Variants in C4orf17 observed in about 807,000 individuals in gnomAD.
The protein encoded by C4orf17 is chromosome 4 open reading frame 17.
A neutral mutation model predicts 32.0 loss-of-function variants in C4orf17; 25 were observed. That is an observed-to-expected ratio of 0.78 (90% CI 0.57 to 1.09). The LOEUF (loss-of-function observed/expected upper bound fraction) is 1.09, where lower values mean the gene tolerates loss of function less well. Ranked by LOEUF, C4orf17 falls within the 50% of genes least tolerant of loss-of-function variation. C4orf17 has a pLI of 0.00. For synonymous variants in C4orf17, 149 were observed against 145.8 expected, an observed-to-expected ratio of 1.02 and a Z score of -0.16; for missense variants, 420 against 420.0, an observed-to-expected ratio of 1.00 and a Z score of 0.00.
At chr4:99,527,429 G>A (rs1054884882) in intron 4 of C4orf17, among the ~76,000 whole-genome samples, 1 of 152,174 alleles carries the variant, frequency 6.6e-6, no homozygotes, top group African/African-American at 2.4e-5. Context: ...TGATACTGTT[G>A]TTCAAGTCTT....
At chr4:99,541,763 A>C (rs1723653043) in intron 8 of C4orf17, 147 bp from the exon 9 acceptor site, 4 of 629,636 alleles carry the variant, frequency 6.4e-6, no homozygotes. Flanking sequence ...AAAAAAGAAA[A>C]GGAATATATT....
At chr4:99,518,130 G>C (rs973963713) in intron 2 of C4orf17, among the ~76,000 whole-genome samples, 1 of 151,874 alleles carries the variant, frequency 6.6e-6, no homozygotes, top group Non-Finnish European at 1.5e-5. Flanking sequence ...TCCATTCTAG[G>C]CCACTGTTAT....
chr4:99,539,195 G>C lies in C4orf17; in HGVS notation c.661G>C (p.Glu221Gln), dbSNP rs370022681. The change falls in exon 7 of 9, where the codon GAG (glutamate) becomes CAG (glutamine). Residue 221 changes from glutamate (E) to glutamine (Q), a missense_variant. Transcript: ENST00000326581. ...GTGGGTCTCAGCTTTGATTCATTCTGAGCTTGCCGAGATAAACCTGTTAAC... is the reference window on the plus strand; with the variant it reads ...GTGGGTCTCAGCTTTGATTCATTCTCAGCTTGCCGAGATAAACCTGTTAAC... The part of the protein sequence containing the change: ...KEWVSALIHS[E>Q]LAEINLLTHH... 310 of 1,613,954 alleles carry C rather than the reference G, an allele frequency of 1.9e-4. 3 individuals are homozygous for C. In the South Asian group the frequency reaches 3.2e-3, roughly 17 times the overall value.
In C4orf17 at chr4:99,540,417, CAA is replaced by C; in HGVS notation, c.843_844del (p.Gln283ArgfsTer3). ...TCTTTCTCCAACTGATCTAGAGTGTCAAGTCAAGGATCTGAAGAAAACAAGGA... is the reference window on the plus strand; with the variant it reads ...TCTTTCTCCAACTGATCTAGAGTGTCGTCAAGGATCTGAAGAAAACAAGGA... On this transcript the variant is annotated frameshift_variant, in exon 8 of 9. Transcript: ENST00000326581. LOFTEE classifies it low-confidence loss of function (END_TRUNC). The C allele has an allele frequency of 6.2e-7, 1 of 1,610,724 alleles. No individual in the cohort carries two copies. Among genetic ancestry groups the C allele is most frequent in the Non-Finnish European group, 8.5e-7 (1 of 1,177,876 alleles).
Position 99,529,875 on chromosome 4 carries a change from T to G in C4orf17, c.463T>G (p.Cys155Gly). The G allele has an allele frequency of 6.2e-7, 1 of 1,612,734 alleles. No individual in the cohort carries two copies. Among genetic ancestry groups the G allele is most frequent in the African/African-American group, 1.3e-5 (1 of 74,416 alleles). The change falls in exon 5 of 9, where the codon TGT becomes GGT. Residue 155 changes from cysteine to glycine, a missense_variant. By Grantham distance (159) the Cys-to-Gly change is radical. Transcript: ENST00000326581. ...PPKACSTPGS[C>G]SSGMTSTKND... ...AAAGGCATGCTCTACTCCTGGCTCC[T>G]GTTCTTCAGGGATGACAAGTACCAA...
chr4:99,517,285 TAG>T (rs2110165737), intron 2 of C4orf17, among the ~76,000 whole-genome samples: 1 of 152,312 alleles, frequency 6.6e-6, no homozygotes, highest in Admixed American at 6.5e-5. Flanking sequence ...CACAGATTAG[TAG>T]GCCATGGTTC....
intron 2 of C4orf17, among the ~76,000 whole-genome samples, chr4:99,519,036 T>C (rs745616760): frequency 1.7e-4 from 26 of 152,128 alleles, no homozygotes; most frequent in Non-Finnish European, 2.6e-4. Context: ...GAAGTGCTTT[T>C]GGGAACAACA....
At chr4:99,513,931 A>G (rs2110164315) in intron 2 of C4orf17, among the ~76,000 whole-genome samples, 1 of 152,278 alleles carries the variant, frequency 6.6e-6, no homozygotes, top group East Asian at 1.9e-4. Context: ...TATGAAATAT[A>G]TGGAAAACAA....
At chr4:99,532,156 T>C (rs1171457160) in intron 5 of C4orf17, among the ~76,000 whole-genome samples, 2 of 152,142 alleles carry the variant, frequency 1.3e-5, no homozygotes, top group African/African-American at 4.8e-5. Context: ...CTAGGAACTA[T>C]AAATAGAATT....
intron 3 of C4orf17, 109 bp from the exon 4 acceptor site, chr4:99,524,412 C>A: frequency 1.7e-6 from 1 of 582,396 alleles, no homozygotes; most frequent in South Asian, 2.5e-5. Flanking sequence ...CCTGAATTGA[C>A]CTTAAAGTCA....
At position 99,539,260 on chromosome 4, in the gene C4orf17, G is replaced by A. The variant is rs1238386724; in HGVS notation, c.726G>A (p.Glu242=). 1 of 1,613,962 alleles carries A rather than the reference G, an allele frequency of 6.2e-7. No homozygotes were observed. The highest frequency in any genetic ancestry group is 8.5e-7 in the Non-Finnish European group (1 of 1,179,976). ...RRNTSMEPAA[E]TGKPPTVKSP... is the part of the protein sequence containing the mutation. ...ACACCTCAATGGAACCAGCAGCAGA[G>A]ACTGGGAAGCCACCCACAGTTAAAT... Residue 242 remains glutamate, a synonymous_variant, in exon 7 of 9, where the codon GAG becomes GAA. Transcript: ENST00000326581.
intron 4 of C4orf17, among the ~76,000 whole-genome samples, chr4:99,529,030 A>C (rs898531151): frequency 6.6e-6 from 1 of 152,206 alleles, no homozygotes; most frequent in Non-Finnish European, 1.5e-5. Context: ...AATAAACTTA[A>C]AAAAAGAATG....
intron 1 of C4orf17, among the ~76,000 whole-genome samples, chr4:99,512,682 T>A (rs1206479112): frequency 6.6e-6 from 1 of 152,078 alleles, no homozygotes; most frequent in Non-Finnish European, 1.5e-5. Context: ...ATCATGTAAT[T>A]TTTTTTGGTA....
At chr4:99,511,504 C>T (rs1322615889) in intron 1 of C4orf17, among the ~76,000 whole-genome samples, 1 of 151,306 alleles carries the variant, frequency 6.6e-6, no homozygotes, top group Non-Finnish European at 1.5e-5. Context: ...TACAGAATAA[C>T]TGAATAATAT....
intron 5 of C4orf17, among the ~76,000 whole-genome samples, chr4:99,532,259 A>T (rs973365732): frequency 2.0e-5 from 3 of 152,208 alleles, no homozygotes; most frequent in African/African-American, 7.2e-5. Flanking sequence ...TGGCATGTTT[A>T]TCACAGCAAT....
At position 99,540,396 on chromosome 4, in the gene C4orf17, T is replaced by C. The variant is rs1188348654; in HGVS notation, c.837-16T>C. The C allele has an allele frequency of 2.5e-6, 4 of 1,603,326 alleles. No individual in the cohort carries two copies. Among genetic ancestry groups the C allele is most frequent in the Non-Finnish European group, 2.6e-6 (3 of 1,172,672 alleles). On this transcript the variant is annotated splice_polypyrimidine_tract_variant and intron_variant, in intron 7 of 8. Transcript: ENST00000326581. Reference sequence around the variant, plus strand: ...TATCTGTGAAATTCACTTTTTTCTTTCTCCAACTGATCTAGAGTGTCAAGT... The same window carrying C: ...TATCTGTGAAATTCACTTTTTTCTTCCTCCAACTGATCTAGAGTGTCAAGT...
At chr4:99,529,607 A>C (rs1296515112) in intron 4 of C4orf17, among the ~76,000 whole-genome samples, 5 of 152,202 alleles carry the variant, frequency 3.3e-5, no homozygotes, top group Admixed American at 2.0e-4. Flanking sequence ...AAGAGTTTAA[A>C]ATGATTTCAT....
chr4:99,517,896 C>T (rs1379977097), intron 2 of C4orf17, among the ~76,000 whole-genome samples: 1 of 152,170 alleles, frequency 6.6e-6, no homozygotes, highest in Non-Finnish European at 1.5e-5. Context: ...TTGAACTGTG[C>T]TCTTCAAAAC....
At chr4:99,516,919 G>T (rs1260369898) in intron 2 of C4orf17, among the ~76,000 whole-genome samples, 1 of 152,176 alleles carries the variant, frequency 6.6e-6, no homozygotes, top group African/African-American at 2.4e-5. Context: ...GGCTTGCTAA[G>T]GTTGCCACTA....
Sources: allele counts gnomAD v4.1 joint callset (sites outside exome capture counted in the v4.1 genomes callset), GRCh38; gene constraint gnomAD v4.1.1; transcripts MANE v1.5; gene names NCBI Gene and HGNC (gene_info 2026-07-23, HGNC 2026-07-21).